The following NALF1 variants were observed in gnomAD, a reference collection of about 807,000 sequenced individuals.
The protein encoded by NALF1 is family with sequence similarity 155 member A.
A neutral mutation model predicts 48.4 loss-of-function variants in NALF1; 3 were observed. That is an observed-to-expected ratio of 0.06 (90% confidence interval 0.03 to 0.16). The LOEUF (loss-of-function observed/expected upper bound fraction) is 0.16. NALF1 is among the 10% of genes least tolerant of loss of function. NALF1 has a pLI of 1.00. For missense variants in NALF1, 526 were observed against 571.5 expected (o/e 0.92, Z 0.81); for synonymous variants, 262 against 245.7 (o/e 1.07, Z -0.62).
chr13:107,463,321 A>C (rs1032570054), intron 1 of NALF1, among the ~76,000 whole-genome samples: 1 of 152,230 alleles, frequency 6.6e-6, no homozygotes, highest in Non-Finnish European at 1.5e-5. Context: ...TATGTCTGTT[A>C]GACTCCAAGG....
chr13:107,336,589 G>A (rs1882561568), intron 1 of NALF1, among the ~76,000 whole-genome samples: 1 of 152,054 alleles, frequency 6.6e-6, no homozygotes, highest in South Asian at 2.1e-4. Context: ...AGGAAGACAA[G>A]CTGGGCAAAC....
At chr13:107,201,144 ATATC>A (rs57935710) in intron 2 of NALF1, among the ~76,000 whole-genome samples, 9 of 150,356 alleles carry the variant, frequency 6.0e-5, no homozygotes, top group Non-Finnish European at 1.2e-4. Flanking sequence ...ATGTACGTTG[ATATC>A]TATCTATCTA....
intron 1 of NALF1, among the ~76,000 whole-genome samples, chr13:107,385,921 A>G (rs1883523347): frequency 6.6e-6 from 1 of 152,202 alleles, no homozygotes; most frequent in African/African-American, 2.4e-5. Flanking sequence ...AGAAAAAAAT[A>G]ATACCTCTTG....
At chr13:107,324,734 T>C (rs7986123) in intron 1 of NALF1, among the ~76,000 whole-genome samples, 44,595 of 152,104 alleles carry the variant, frequency 0.29, 6,858 homozygotes, top group African/African-American at 0.32. Flanking sequence ...CAAACTTTTC[T>C]GAAATATTTC....
Position 107,537,941 on chromosome 13 carries a change from T to C in NALF1, c.916-327186A>G, listed in dbSNP as rs145450965. On this transcript the variant is annotated intron_variant, in intron 1 of 2. Transcript: ENST00000375915. ...ACTGAGGCAGGAGAACTGCTTTAAC[T>C]GGCAGGTGGAGGTTGCAGTGAGCCA... 2.8e-3 allele frequency among the ~76,000 whole-genome samples: 422 copies of C among 152,164 alleles called. 1 individual carries two copies. The highest frequency in any genetic ancestry group is 4.6e-3 in the Non-Finnish European group (310 of 68,000).
chr13:107,459,171 C>A (rs1884875633), intron 1 of NALF1, among the ~76,000 whole-genome samples: 1 of 152,060 alleles, frequency 6.6e-6, no homozygotes, highest in Non-Finnish European at 1.5e-5. Context: ...TTATAAAGAG[C>A]TGGTATCCAG....
intron 1 of NALF1, among the ~76,000 whole-genome samples, chr13:107,284,232 A>T (rs922400635): frequency 1.3e-5 from 2 of 152,176 alleles, no homozygotes; most frequent in Admixed American, 6.5e-5. Context: ...ATGCTTACAA[A>T]GACCCTGGAG....
At chr13:107,225,307 C>T (rs934471587) in intron 1 of NALF1, among the ~76,000 whole-genome samples, 2 of 152,132 alleles carry the variant, frequency 1.3e-5, no homozygotes, top group African/African-American at 4.8e-5. Flanking sequence ...CTTACTGTGC[C>T]TGGCCTTATT....
rs951421663 is a variant in NALF1, at chr13:107,165,129, A to T, written c.*5368T>A. The T allele has an allele frequency of 5.9e-5, 9 of 152,190 alleles. No individual in the cohort carries two copies. The highest frequency in any genetic ancestry group is 2.2e-4 in the African/African-American group (9 of 41,444). 9.4% of individuals were successfully genotyped at this position (152,190 alleles called of 1,614,324 possible). A position where few individuals can be genotyped will look rare whatever the true frequency, so the allele number is the denominator to read the frequency against. On this transcript the variant is annotated 3_prime_UTR_variant, in exon 3 of 3. Coordinates refer to ENST00000375915, the MANE Select transcript of NALF1 (RefSeq NM_001080396.3). ...TTTCTCCACATTAAAAATAAAAATT[A>T]AAAATCTATATTTTATTAAAATATT...
intron 1 of NALF1, among the ~76,000 whole-genome samples, chr13:107,217,525 C>T (rs1380898340): frequency 2.0e-5 from 3 of 152,074 alleles, no homozygotes; most frequent in Non-Finnish European, 2.9e-5. Context: ...TCTTCATTAC[C>T]AATGCTGATC....
intron 1 of NALF1, among the ~76,000 whole-genome samples, chr13:107,760,893 G>C (rs1330839298): frequency 1.3e-5 from 2 of 152,084 alleles, no homozygotes; most frequent in Non-Finnish European, 1.5e-5. Context: ...GTAATGAAGG[G>C]AGCCGAAAGA....
intron 1 of NALF1, among the ~76,000 whole-genome samples, chr13:107,217,562 T>C (rs1391368496): frequency 6.6e-6 from 1 of 152,140 alleles, no homozygotes; most frequent in Non-Finnish European, 1.5e-5. Context: ...TGTCTCTCTC[T>C]TTCTCTCCCT....
rs1878667587 is a variant in NALF1, at chr13:107,166,731, C to A, written c.*3766G>T. On this transcript the variant is annotated 3_prime_UTR_variant, in exon 3 of 3. Coordinates refer to ENST00000375915, the MANE Select transcript of NALF1 (RefSeq NM_001080396.3). Reference sequence around the variant, plus strand: ...GTACTTATTCATTCATATGAAACCTCCTTTCCCCCTCATTCCCCGACTCTA... The same window carrying A: ...GTACTTATTCATTCATATGAAACCTACTTTCCCCCTCATTCCCCGACTCTA... 1 of 152,038 alleles carries A rather than the reference C, an allele frequency of 6.6e-6. No individual in the cohort carries two copies. Among genetic ancestry groups the A allele is most frequent in the Non-Finnish European group, 1.5e-5 (1 of 68,012 alleles). 9.4% of individuals were successfully genotyped at this position (152,038 alleles called of 1,614,324 possible).
At chr13:107,183,767 C>T (rs2138777455) in intron 2 of NALF1, among the ~76,000 whole-genome samples, 1 of 152,232 alleles carries the variant, frequency 6.6e-6, no homozygotes, top group Admixed American at 6.5e-5. Context: ...AACGCATGTT[C>T]TCACTCATAA....
intron 1 of NALF1, among the ~76,000 whole-genome samples, chr13:107,803,242 A>G (rs1281005624): frequency 1.3e-5 from 2 of 152,160 alleles, no homozygotes; most frequent in Non-Finnish European, 2.9e-5. Context: ...AGGAGACTGG[A>G]TCCAATAGGT....
chr13:107,513,241 T>C (rs1295172508), intron 1 of NALF1, among the ~76,000 whole-genome samples: 7 of 152,244 alleles, frequency 4.6e-5, no homozygotes, highest in Admixed American at 2.6e-4. Context: ...CAATTATCAC[T>C]GTCCTAGATG....
At chr13:107,754,735 G>A (rs1877043104) in intron 1 of NALF1, among the ~76,000 whole-genome samples, 1 of 152,058 alleles carries the variant, frequency 6.6e-6, no homozygotes, top group African/African-American at 2.4e-5. Flanking sequence ...ACATAATTTT[G>A]TAATTTAACA....
intron 1 of NALF1, among the ~76,000 whole-genome samples, chr13:107,224,777 C>G (rs1158866274): frequency 6.6e-6 from 1 of 151,970 alleles, no homozygotes; most frequent in African/African-American, 2.4e-5. Flanking sequence ...TTTTAATACA[C>G]AAATCTCACA....
chr13:107,228,048 C>T (rs1323998369), intron 1 of NALF1, among the ~76,000 whole-genome samples: 1 of 152,080 alleles, frequency 6.6e-6, no homozygotes, highest in Non-Finnish European at 1.5e-5. Context: ...GAGCATACAC[C>T]AGATATATTG....
Sources: gnomAD v4.1 joint callset for allele counts (sites outside exome capture counted in the v4.1 genomes callset) on GRCh38, gnomAD v4.1.1 for gene constraint, MANE v1.5 for transcripts, NCBI Gene and HGNC (gene_info 2026-07-23, HGNC 2026-07-21) for gene names.